Variants in ADGRV1 observed in about 807,000 individuals in gnomAD.
ADGRV1 encodes G-protein coupled receptor 98.
ADGRV1 carries 359 observed loss-of-function variants against 596.2 expected under a neutral mutation model. The observed-to-expected ratio is 0.60, with a 90% CI of 0.55 to 0.66. The LOEUF is 0.66. Ranked by LOEUF, ADGRV1 falls within the 30% of genes least tolerant of loss-of-function variation. ADGRV1 has a pLI of 0.00. For missense variants in ADGRV1, 7,274 were observed against 7,575.6 expected (o/e 0.96, Z 1.48); for synonymous variants, 2,681 against 2,679.2 (o/e 1.00, Z -0.02).
At chr5:90,655,969 T>C (rs1273779697) in intron 20 of ADGRV1, 2 of 152,222 alleles carry the variant, frequency 1.3e-5, no homozygotes. Context: ...TCTTCTTTAT[T>C]GTCAAAATGA....
chr5:90,635,318 G>A (rs749177477), intron 10 of ADGRV1, 28 bp downstream of exon 10: 4 of 1,572,208 alleles, frequency 2.5e-6, no homozygotes, highest in South Asian at 2.4e-5. Context: ...TACTGATGGG[G>A]GCTAATGAGT....
At chr5:91,063,486 C>T (rs1353552175) in intron 85 of ADGRV1, among the ~76,000 whole-genome samples, 1 of 152,020 alleles carries the variant, frequency 6.6e-6, no homozygotes, top group African/African-American at 2.4e-5. Flanking sequence ...AATTCCCTAT[C>T]GTTTAAATTG....
chr5:90,708,884 TTC>T lies in ADGRV1; in HGVS notation c.8800_8801del (p.Ser2934AsnfsTer19). 6.2e-7 allele frequency: 1 copy of T among 1,611,492 alleles called. No individual in the cohort carries two copies. The highest frequency in any genetic ancestry group is 2.2e-5 in the East Asian group (1 of 44,742). Reference protein sequence around the residue: ...LTYVGLTMAASTSFPPRLDSE... With the variant: ...LTYVGLTMAAXTSFPPRLDSE... ...CTTACGTTGGACTTACCATGGCTGC[TTC>T]AACTTCATTTCCTCCCAGACTAGGT... On this transcript the variant is annotated frameshift_variant, in exon 39 of 90. Transcript: ENST00000405460. LOFTEE classifies it high-confidence loss of function.
At chr5:90,627,975 T>G (rs978742390) in intron 7 of ADGRV1, 199 bp downstream of exon 7, 1 of 373,022 alleles carries the variant, frequency 2.7e-6, no homozygotes, top group Non-Finnish European at 4.7e-6. Flanking sequence ...AATATGTCAT[T>G]TTTTCTACCA....
chr5:90,847,659 C>A (rs977638289), intron 78 of ADGRV1, among the ~76,000 whole-genome samples: 1 of 152,188 alleles, frequency 6.6e-6, no homozygotes, highest in Non-Finnish European at 1.5e-5. Context: ...CGAGCCCTGC[C>A]CCGCAGGGAG....
intron 87 of ADGRV1, among the ~76,000 whole-genome samples, chr5:91,135,373 C>T (rs188529812): frequency 6.6e-6 from 1 of 152,068 alleles, no homozygotes; most frequent in African/African-American, 2.4e-5. Context: ...TATAACATGC[C>T]TTTCATCCCT....
intron 56 of ADGRV1, 41 bp from the exon 57 acceptor site, chr5:90,756,938 A>T: frequency 7.0e-7 from 1 of 1,431,406 alleles, no homozygotes; most frequent in Non-Finnish European, 9.5e-7. Context: ...TATGAGAGTT[A>T]CCATTTTATC....
In ADGRV1 at chr5:90,684,048, G is replaced by A. The variant is rs1244436718; in HGVS notation, c.6127G>A (p.Ala2043Thr). 7 of 1,613,914 alleles carry A rather than the reference G, an allele frequency of 4.3e-6. No homozygotes were observed. Among genetic ancestry groups the A allele is most frequent in the African/African-American group, 1.3e-5 (1 of 75,026 alleles). The change falls in exon 28 of 90, where the codon GCT (alanine) becomes ACT (threonine). Residue 2043 changes from alanine to threonine, a missense_variant. Around this residue, in one of 5 missense-constraint regions of ADGRV1, gnomAD observed 3,643 missense variants for 3,809.2 expected, o/e 0.96. Coordinates refer to ENST00000405460, the MANE Select transcript of ADGRV1 (RefSeq NM_032119.4). ...AACTCAAGGAAGAGACTATATACCA[G>A]CTTCTGGATTTGCTCTTTTTGGAGC... ...RATQGRDYIP[A>T]SGFALFGANQ...
chr5:90,823,558 A>G lies in ADGRV1; in HGVS notation c.16330A>G (p.Thr5444Ala), dbSNP rs1763800127. ...GACCACAACCTGTACAATGGGTCAA[A>G]CAAAATGCTTTATCAGCATTGAACT... ...SGTTTCTMGQ[T>A]KCFISIELKP... Residue 5444 changes from threonine to alanine, a missense_variant, in exon 76 of 90, where the codon ACA (threonine) becomes GCA (alanine). Transcript: ENST00000405460. 1.9e-6 allele frequency: 3 copies of G among 1,614,018 alleles called. No individual in the cohort carries two copies. Among genetic ancestry groups the G allele is most frequent in the Non-Finnish European group, 2.5e-6 (3 of 1,179,884 alleles).
At chr5:90,649,161 G>C (rs964670308) in intron 17 of ADGRV1, among the ~76,000 whole-genome samples, 2 of 151,606 alleles carry the variant, frequency 1.3e-5, no homozygotes, top group Admixed American at 1.3e-4. Context: ...ACACCACCAT[G>C]CCCAGCTAAT....
intron 86 of ADGRV1, among the ~76,000 whole-genome samples, chr5:91,082,897 G>C (rs933976999): frequency 6.6e-6 from 1 of 152,030 alleles, no homozygotes; most frequent in Non-Finnish European, 1.5e-5. Context: ...TCTAATTTAT[G>C]ATTCAGTGCC....
chr5:91,133,613 G>A (rs1228388026), intron 87 of ADGRV1, among the ~76,000 whole-genome samples: 4 of 152,224 alleles, frequency 2.6e-5, no homozygotes, highest in Non-Finnish European at 5.9e-5. Flanking sequence ...TACCTTATTA[G>A]ACTGTTGGAA....
At chr5:90,698,397 A>G (rs1404527765) in intron 34 of ADGRV1, among the ~76,000 whole-genome samples, 2 of 152,142 alleles carry the variant, frequency 1.3e-5, no homozygotes, top group East Asian at 3.9e-4. Context: ...TTTGAGAGAG[A>G]CTAAATAGCA....
intron 83 of ADGRV1, among the ~76,000 whole-genome samples, chr5:90,882,507 A>G (rs891550193): frequency 6.6e-6 from 1 of 152,164 alleles, no homozygotes; most frequent in Non-Finnish European, 1.5e-5. Context: ...AGATGCCTAT[A>G]TATTTCTTCA....
chr5:90,934,343 C>A (rs893503764), intron 83 of ADGRV1, among the ~76,000 whole-genome samples: 49 of 152,042 alleles, frequency 3.2e-4, no homozygotes, highest in African/African-American at 1.1e-3. Context: ...GGGGTGGAGA[C>A]TACAACAGAT....
chr5:90,848,633 C>T lies in ADGRV1; in HGVS notation c.17020-4C>T, dbSNP rs1766154903. 7.0e-7 allele frequency: 1 copy of T among 1,437,058 alleles called. No individual in the cohort carries two copies. The highest frequency in any genetic ancestry group is 1.6e-5 in the South Asian group (1 of 61,192). The allele number at this position is 1,437,058 out of a possible 1,614,324, so 89.0% of individuals were successfully genotyped here. A position where few individuals can be genotyped will look rare whatever the true frequency, so the allele number is the denominator to read the frequency against. On this transcript the variant is annotated splice_polypyrimidine_tract_variant and splice_region_variant and intron_variant, in intron 78 of 89. Transcript: ENST00000405460. ...ATATTTTTATACTTAGATTCTTTTT[C>T]CAGATAACTACTGAAGGAAAAATTC...
chr5:90,668,718 C>T (rs1022196348), intron 21 of ADGRV1, among the ~76,000 whole-genome samples: 27 of 151,950 alleles, frequency 1.8e-4, no homozygotes, highest in African/African-American at 5.3e-4. Flanking sequence ...ACAAAATATT[C>T]ATTAAATTTT....
In ADGRV1 at chr5:90,725,682, GT is replaced by G. The variant is rs539252894; in HGVS notation, c.10161+35del. On this transcript the variant is annotated intron_variant, in intron 48 of 89. Coordinates refer to ENST00000405460, the MANE Select transcript of ADGRV1 (RefSeq NM_032119.4). ...GTTTGATTCTTTTAAAATGAAGTGG[GT>G]TTTTTTTTGCTTTTCTTTTTAACAT... is the stretch of plus-strand genomic sequence containing the variant. The G allele has an allele frequency of 0.018, 17,393 of 945,228 alleles. 388 individuals are homozygous for G. The highest frequency in any genetic ancestry group is 0.099 in the African/African-American group (5,931 of 59,632). The allele number at this position is 945,228 out of a possible 1,614,324, so 58.6% of individuals were successfully genotyped here. A position where few individuals can be genotyped will look rare whatever the true frequency, so the allele number is the denominator to read the frequency against.
At chr5:91,010,002 A>T (rs1375923865) in intron 85 of ADGRV1, among the ~76,000 whole-genome samples, 1 of 152,164 alleles carries the variant, frequency 6.6e-6, no homozygotes, top group South Asian at 2.1e-4. Context: ...GAGCAAAAAA[A>T]AAAATGTTGA....
Sources: gnomAD v4.1 joint callset for allele counts (sites outside exome capture counted in the v4.1 genomes callset) on GRCh38, gnomAD v4.1.1 for gene constraint, gnomAD v4.1.1 regional missense constraint, MANE v1.5 for transcripts, NCBI Gene and HGNC (gene_info 2026-07-23, HGNC 2026-07-21) for gene names.